TBC1D30: variants seen among roughly 807,000 people sequenced by gnomAD.
TBC1D30 encodes the protein TBC1 domain family member 30.
TBC1D30 carries 31 observed loss-of-function variants against 63.2 expected under a neutral mutation model. The ratio of observed to expected loss-of-function variants is 0.49; its 90% confidence interval spans 0.37 to 0.66. TBC1D30 has a LOEUF of 0.66. Among genes scored for constraint, TBC1D30 ranks in the 30% least tolerant of loss-of-function variants. TBC1D30 has a pLI of 0.00. For missense variants in TBC1D30, 810 were observed against 953.6 expected (o/e 0.85, Z 1.98); for synonymous variants, 307 against 361.5 (o/e 0.85, Z 1.71).
intron 2 of TBC1D30, among the ~76,000 whole-genome samples, chr12:64,804,129 G>T (rs1035799813): frequency 1.3e-5 from 2 of 152,200 alleles, no homozygotes; most frequent in Non-Finnish European, 2.9e-5. Context: ...CATGAGCATG[G>T]AATGTTCTTC....
chr12:64,828,337 C>A, intron 2 of TBC1D30, 107 bp from the exon 3 acceptor site: 1 of 775,204 alleles, frequency 1.3e-6, no homozygotes, highest in Non-Finnish European at 2.2e-6. Context: ...CCCCATTGTG[C>A]TGTGCAAATT....
rs1287517120 is a variant in TBC1D30 at position 64,854,518 on chromosome 12, G to T, written c.1039-10150G>T. 5.3e-5 allele frequency among the ~76,000 whole-genome samples: 7 copies of T among 131,386 alleles called. 1 individual carries two copies. The highest frequency in any genetic ancestry group is 2.6e-4 in the African/African-American group (7 of 27,450). 86.2% of individuals were successfully genotyped at this position (131,386 alleles called of 152,430 possible). On this transcript the variant is annotated intron_variant, in intron 8 of 11. Transcript: ENST00000539867. Reference sequence around the variant, plus strand: ...TCTTTCTTTTTTTTTTTTTTGAGATGGAATCTTGCTCTGTCACCCAGGCTG... The same window carrying T: ...TCTTTCTTTTTTTTTTTTTTGAGATTGAATCTTGCTCTGTCACCCAGGCTG...
chr12:64,862,496 T>C (rs1414279227), intron 8 of TBC1D30, among the ~76,000 whole-genome samples: 1 of 152,190 alleles, frequency 6.6e-6, no homozygotes, highest in Non-Finnish European at 1.5e-5. Context: ...GGGATCTTGC[T>C]CAGAGCCTAG....
At chr12:64,864,593 T>A (rs1878057670) in intron 8 of TBC1D30, 75 bp from the exon 9 acceptor site, 1 of 1,035,580 alleles carries the variant, frequency 9.7e-7, no homozygotes, top group East Asian at 2.6e-5. Context: ...CATAAAACTT[T>A]AATGTCTTTC....
chr12:64,834,707 CTTTTTTTT>C (rs11374555), intron 5 of TBC1D30, among the ~76,000 whole-genome samples: 2 of 76,342 alleles, frequency 2.6e-5, no homozygotes, highest in African/African-American at 5.0e-5. Flanking sequence ...CCGTGCCGGG[CTTTTTTTT>C]TTTTTTTTTT....
At chr12:64,862,593 T>C (rs1386633179) in intron 8 of TBC1D30, among the ~76,000 whole-genome samples, 1 of 152,180 alleles carries the variant, frequency 6.6e-6, no homozygotes, top group Non-Finnish European at 1.5e-5. Flanking sequence ...CAAGGCTGGA[T>C]GAGGGAATTT....
intron 4 of TBC1D30, among the ~76,000 whole-genome samples, chr12:64,831,463 A>G (rs985988044): frequency 2.0e-5 from 3 of 152,230 alleles, no homozygotes; most frequent in Non-Finnish European, 4.4e-5. Flanking sequence ...TCATCTTTTA[A>G]GAGTATCTTT....
intron 8 of TBC1D30, among the ~76,000 whole-genome samples, chr12:64,853,955 T>G (rs893936772): frequency 3.3e-5 from 5 of 152,234 alleles, no homozygotes; most frequent in Admixed American, 1.3e-4. Flanking sequence ...GCCAGCTACC[T>G]GAGTCTATAT....
chr12:64,831,256 G>A (rs1320720756), intron 4 of TBC1D30, among the ~76,000 whole-genome samples: 1 of 152,044 alleles, frequency 6.6e-6, no homozygotes, highest in African/African-American at 2.4e-5. Context: ...GCTACTTTCT[G>A]TTCTAACTTG....
rs1315339234 is a variant in TBC1D30, at chr12:64,875,277, T to C, written c.1775T>C (p.Ile592Thr). 10 of 1,535,976 alleles carry C rather than the reference T, an allele frequency of 6.5e-6. No individual in the cohort carries two copies. The South Asian group carries it at 9.5e-5, about 15-fold the overall frequency. ...HPGCGDTVGL[I>T]DEQNEASKTN... ...GGCTGTGGGGACACCGTAGGGCTGA[T>C]AGATGAGCAGAACGAGGCCAGCAAG... The change falls in exon 12 of 12, where the codon ATA becomes ACA. Residue 592 changes from isoleucine to threonine, a missense_variant. Transcript: ENST00000539867.
intron 5 of TBC1D30, among the ~76,000 whole-genome samples, chr12:64,835,099 C>G (rs893585495): frequency 1.3e-5 from 2 of 152,136 alleles, no homozygotes; most frequent in Non-Finnish European, 2.9e-5. Context: ...TCATCAGCTG[C>G]TGCCTCCCAG....
At chr12:64,766,602 A>T (rs1870722814) in intron 1 of TBC1D30, among the ~76,000 whole-genome samples, 1 of 152,220 alleles carries the variant, frequency 6.6e-6, no homozygotes, top group South Asian at 2.1e-4. Context: ...ATAGTTGGAA[A>T]CTTCAATACT....
At chr12:64,759,594 G>A in exon 1 of TBC1D30, 1 of 369,874 alleles carries the variant, frequency 2.7e-6, no homozygotes, top group East Asian at 5.2e-5. Context: ...CGGAGAACCG[G>A]AGAAAAGGGC....
At chr12:64,766,571 G>GA (rs772688019) in intron 1 of TBC1D30, among the ~76,000 whole-genome samples, 134 of 152,042 alleles carry the variant, frequency 8.8e-4, no homozygotes, top group Non-Finnish European at 1.7e-3. Flanking sequence ...AGAAATAAAG[G>GA]AAAAAATGGA....
At chr12:64,845,416 CA>C (rs1338397487) in intron 8 of TBC1D30, among the ~76,000 whole-genome samples, 1 of 152,084 alleles carries the variant, frequency 6.6e-6, no homozygotes, top group African/African-American at 2.4e-5. Context: ...CTCAGCTCAC[CA>C]AATTGCGGTT....
At chr12:64,874,182 G>A (rs890954233) in intron 11 of TBC1D30, among the ~76,000 whole-genome samples, 7 of 152,158 alleles carry the variant, frequency 4.6e-5, no homozygotes, top group African/African-American at 1.4e-4. Flanking sequence ...TTCACCTTCC[G>A]GGTTCAAGCA....
upstream of TBC1D30, among the ~76,000 whole-genome samples, chr12:64,777,155 T>G (rs1871104970): frequency 6.6e-6 from 1 of 152,170 alleles, no homozygotes. Context: ...AATATCCTAC[T>G]GAAAGGGCAA....
At chr12:64,763,724 T>A (rs1461012712) in intron 1 of TBC1D30, among the ~76,000 whole-genome samples, 1 of 151,964 alleles carries the variant, frequency 6.6e-6, no homozygotes, top group African/African-American at 2.4e-5. Context: ...TTCTCCTGCC[T>A]CAGCCTCCCA....
intron 8 of TBC1D30, among the ~76,000 whole-genome samples, chr12:64,857,237 C>A (rs917722342): frequency 4.6e-5 from 7 of 152,190 alleles, no homozygotes; most frequent in East Asian, 1.9e-4. Flanking sequence ...AGAGCTCGGG[C>A]CCATGGCATA....
Sources: allele counts gnomAD v4.1 joint callset (sites outside exome capture counted in the v4.1 genomes callset), GRCh38; gene constraint gnomAD v4.1.1; transcripts MANE v1.5; gene names NCBI Gene and HGNC (gene_info 2026-07-23, HGNC 2026-07-21).